Variants in DRC9 observed in about 807,000 individuals in gnomAD.
DRC9 encodes the protein dynein regulatory complex protein 9.
At chr3:197,938,430 C>T in the DRC9 span, 10 of 725,958 alleles carry the variant, frequency 1.4e-5, no homozygotes, top group Non-Finnish European at 2.4e-5. Flanking sequence ...TCTCAGCAGT[C>T]ATTTTGCATA....
At chr3:197,934,732 C>T in the DRC9 span, among the ~76,000 whole-genome samples, 1 of 151,506 alleles carries the variant, frequency 6.6e-6, no homozygotes, top group Non-Finnish European at 1.5e-5. Flanking sequence ...TTTTGAGGGG[C>T]CGAGGCAGGA....
At chr3:197,900,792 C>T in the DRC9 span, among the ~76,000 whole-genome samples, 2 of 152,240 alleles carry the variant, frequency 1.3e-5, no homozygotes, top group Admixed American at 1.3e-4. The surrounding 1 kb of genome is among the most constrained non-coding windows in gnomAD (Gnocchi z 4.7). Flanking sequence ...CATGAGGCCC[C>T]CACTCCAGGC....
chr3:197,889,858 C>T, the DRC9 span: 2 of 908,714 alleles, frequency 2.2e-6, no homozygotes, highest in Admixed American at 2.1e-5. Flanking sequence ...GGCACGTAAT[C>T]ACTTCAGCGA....
chr3:197,889,592 G>C, the DRC9 span: 8 of 1,613,980 alleles, frequency 5.0e-6, no homozygotes, highest in African/African-American at 1.3e-5. Flanking sequence ...ACTTCTTCTT[G>C]CCTCTCCTCT....
chr3:197,937,865 G>A, the DRC9 span, among the ~76,000 whole-genome samples: 5 of 152,062 alleles, frequency 3.3e-5, no homozygotes, highest in Non-Finnish European at 5.9e-5. Flanking sequence ...GCTTGAGGGC[G>A]GCAGTGCTCT....
the DRC9 span, among the ~76,000 whole-genome samples, chr3:197,900,266 G>A: frequency 2.6e-5 from 4 of 152,212 alleles, no homozygotes; most frequent in Non-Finnish European, 2.9e-5. This position sits in a 1 kb window ranked among gnomAD's most constrained non-coding sequence, Gnocchi z 4.7. Flanking sequence ...GGGGGACTTG[G>A]ACCTAGTGAG....
the DRC9 span, among the ~76,000 whole-genome samples, chr3:197,931,848 A>AAC: frequency 7.2e-5 from 11 of 151,862 alleles, no homozygotes; most frequent in Admixed American, 4.6e-4. Flanking sequence ...GATGGTCTTG[A>AAC]TCTCCTGACC....
the DRC9 span, among the ~76,000 whole-genome samples, chr3:197,927,464 G>T: frequency 3.9e-5 from 6 of 152,176 alleles, no homozygotes; most frequent in Non-Finnish European, 7.3e-5. Context: ...GACGTCAGGT[G>T]ATCCACCCGC....
the DRC9 span, among the ~76,000 whole-genome samples, chr3:197,946,405 A>G: frequency 7.0e-6 from 1 of 142,066 alleles, no homozygotes; most frequent in Admixed American, 7.1e-5. Flanking sequence ...ACTGCACTCC[A>G]GCCTGGGCGA....
At chr3:197,947,845 G>A in the DRC9 span, among the ~76,000 whole-genome samples, 9 of 151,078 alleles carry the variant, frequency 6.0e-5, no homozygotes, top group African/African-American at 1.7e-4. Context: ...CTCTCCAAAC[G>A]TCTCTCTCTG....
chr3:197,955,761 C>T, the DRC9 span: 6 of 1,605,894 alleles, frequency 3.7e-6, no homozygotes, highest in East Asian at 1.1e-4. Flanking sequence ...TGCTGTACCC[C>T]TCAAGGATTT....
chr3:197,950,270 G>C, the DRC9 span: 1 of 1,230,552 alleles, frequency 8.1e-7, no homozygotes, highest in African/African-American at 1.6e-5. Flanking sequence ...AACCGGAGTA[G>C]GTTTGTTCCT....
At chr3:197,945,581 A>G in the DRC9 span, 1 of 1,412,158 alleles carries the variant, frequency 7.1e-7, no homozygotes, top group Non-Finnish European at 9.9e-7. Flanking sequence ...GCATAATTTA[A>G]ATACATGTAT....
At chr3:197,936,143 G>A in the DRC9 span, among the ~76,000 whole-genome samples, 19 of 151,534 alleles carry the variant, frequency 1.3e-4, no homozygotes, top group Admixed American at 6.6e-4. Context: ...CAGCCTGGGC[G>A]ACAGAGTAAG....
the DRC9 span, chr3:197,950,830 G>A: frequency 1.0e-6 from 1 of 975,698 alleles, no homozygotes; most frequent in Non-Finnish European, 1.6e-6. Context: ...ACTCCTACAT[G>A]AAACTCCCAT....
the DRC9 span, chr3:197,938,495 GCTCATCTATGTGTAAATACGTTATTTCA>G: frequency 7.2e-7 from 1 of 1,381,432 alleles, no homozygotes; most frequent in Non-Finnish European, 1.0e-6. Context: ...GCGCCCCTTC[GCTCATCTATGTGTAAATACGTTATTTCA>G]CTGCCAAATG....
chr3:197,948,750 A>G, the DRC9 span, among the ~76,000 whole-genome samples: 1 of 152,180 alleles, frequency 6.6e-6, no homozygotes, highest in Non-Finnish European at 1.5e-5. Context: ...ATATACATCT[A>G]TTTCATACAA....
At chr3:197,943,821 TA>T in the DRC9 span, 2 of 1,614,150 alleles carry the variant, frequency 1.2e-6, no homozygotes, top group Non-Finnish European at 1.7e-6. Flanking sequence ...GGGCATGATG[TA>T]GTTCAGAATA....
the DRC9 span, among the ~76,000 whole-genome samples, chr3:197,937,640 T>TGGA: frequency 6.6e-6 from 1 of 152,044 alleles, no homozygotes; most frequent in Non-Finnish European, 1.5e-5. Flanking sequence ...CCACCACGCC[T>TGGA]GGCTAATTTT....
Sources: allele counts gnomAD v4.1 joint callset (sites outside exome capture counted in the v4.1 genomes callset), GRCh38; gene constraint gnomAD v4.1.1; non-coding constraint Gnocchi (gnomAD v3.1); transcripts MANE v1.5; gene names NCBI Gene and HGNC (gene_info 2026-07-23, HGNC 2026-07-21).